Variants in MBD5 observed in about 807,000 individuals in gnomAD.
The protein encoded by MBD5 is methyl-CpG binding domain protein 5, also known as methyl-CpG-binding domain protein 5.
Under a neutral mutation model 117.3 loss-of-function variants are expected in MBD5, and 13 were observed. That is an observed-to-expected ratio of 0.11 (90% CI 0.07 to 0.18). The LOEUF (loss-of-function observed/expected upper bound fraction) is 0.18. MBD5 is among the 10% of genes least tolerant of loss of function. MBD5 has a pLI of 1.00. For missense variants in MBD5, 1,879 were observed against 2,093.8 expected (o/e 0.90, Z 2.00); for synonymous variants, 727 against 766.4 (o/e 0.95, Z 0.85).
At chr2:148,043,474 A>AATAAATAAATAC (rs1160200474) in intron 1 of MBD5, among the ~76,000 whole-genome samples, 144 of 151,318 alleles carry the variant, frequency 9.5e-4, no homozygotes, top group Middle Eastern at 3.4e-3. Flanking sequence ...TAAATAAATA[A>AATAAATAAATAC]ATAAATAAAT....
intron 1 of MBD5, among the ~76,000 whole-genome samples, chr2:148,137,051 C>A (rs1006521427): frequency 2.6e-5 from 4 of 152,014 alleles, no homozygotes; most frequent in Non-Finnish European, 5.9e-5. Flanking sequence ...CGTGAGTCAC[C>A]GTGCCCAGCC....
intron 1 of MBD5, among the ~76,000 whole-genome samples, chr2:148,147,341 C>G (rs1031316747): frequency 6.6e-6 from 1 of 151,896 alleles, no homozygotes; most frequent in Non-Finnish European, 1.5e-5. Flanking sequence ...CTCCTAGATT[C>G]AAGCGATTCT....
At chr2:148,145,046 C>T (rs955541676) in intron 1 of MBD5, among the ~76,000 whole-genome samples, 9 of 152,232 alleles carry the variant, frequency 5.9e-5, no homozygotes, top group Admixed American at 2.0e-4. Flanking sequence ...GGCAGTATGG[C>T]CATTTTCACA....
chr2:148,150,585 C>A (rs1574069239), intron 1 of MBD5, among the ~76,000 whole-genome samples: 1 of 151,946 alleles, frequency 6.6e-6, no homozygotes, highest in Non-Finnish European at 1.5e-5. Context: ...ATGGAATGTT[C>A]TTCCATTTGT....
chr2:148,083,361 C>T (rs1358202061), intron 1 of MBD5, among the ~76,000 whole-genome samples: 1 of 152,090 alleles, frequency 6.6e-6, no homozygotes, highest in Non-Finnish European at 1.5e-5. Flanking sequence ...GGATTGATTA[C>T]AGTTTAGCGT....
At chr2:148,143,427 A>G (rs1697365647) in intron 1 of MBD5, among the ~76,000 whole-genome samples, 1 of 152,198 alleles carries the variant, frequency 6.6e-6, no homozygotes, top group South Asian at 2.1e-4. Context: ...TATTAATATT[A>G]TTTTACTTCA....
At chr2:148,061,741 T>C (rs1366293700) in intron 1 of MBD5, among the ~76,000 whole-genome samples, 1 of 151,986 alleles carries the variant, frequency 6.6e-6, no homozygotes, top group African/African-American at 2.4e-5. Context: ...TGAAAACTTT[T>C]AAAGCTATTG....
chr2:148,512,716 G>C (rs1270366446), intron 13 of MBD5, among the ~76,000 whole-genome samples, 154 bp from the exon 14 acceptor site: 1 of 152,104 alleles, frequency 6.6e-6, no homozygotes, highest in East Asian at 1.9e-4. Flanking sequence ...TGACATCTGG[G>C]GTCTTGGTAA....
intron 1 of MBD5, among the ~76,000 whole-genome samples, chr2:148,138,988 T>G (rs1209615702): frequency 6.6e-6 from 1 of 152,228 alleles, no homozygotes; most frequent in African/African-American, 2.4e-5. Context: ...TTGTTTCTTT[T>G]TGAAAGCTAA....
intron 1 of MBD5, among the ~76,000 whole-genome samples, chr2:148,040,751 C>T (rs532895081): frequency 1.3e-5 from 2 of 152,146 alleles, no homozygotes; most frequent in Admixed American, 6.5e-5. Context: ...TTTGTTTTTG[C>T]GTGCGTTTTT....
At chr2:148,320,229 T>G (rs1050551216) in intron 3 of MBD5, among the ~76,000 whole-genome samples, 1 of 152,176 alleles carries the variant, frequency 6.6e-6, no homozygotes, top group African/African-American at 2.4e-5. Context: ...CTTGTCTGGT[T>G]TCAGTGCCAT....
rs1284378206 is a variant in MBD5 at position 148,119,831 on chromosome 2, C to T, written c.-924-58869C>T. 2.6e-5 allele frequency among the ~76,000 whole-genome samples: 4 copies of T among 151,934 alleles called. No homozygotes were observed. The East Asian group carries it at 7.7e-4, about 29-fold the overall frequency. On this transcript the variant is annotated intron_variant, in intron 1 of 13. Transcript: ENST00000642680. ...TGCAAAGGCAAGGATTTACTTCTGA[C>T]TCTCTGTTCCATTAATCTATATGTC... is the stretch of plus-strand genomic sequence containing the variant.
At chr2:148,143,103 T>C (rs2105553916) in intron 1 of MBD5, among the ~76,000 whole-genome samples, 1 of 152,282 alleles carries the variant, frequency 6.6e-6, no homozygotes, top group Admixed American at 6.5e-5. Context: ...GTTTAAAAAA[T>C]TGTTAAGTGA....
intron 4 of MBD5, among the ~76,000 whole-genome samples, chr2:148,366,262 G>A (rs1008835999): frequency 8.6e-5 from 13 of 151,954 alleles, no homozygotes; most frequent in East Asian, 1.9e-4. Flanking sequence ...AAAGGCCTTC[G>A]ATAAAATCCA....
intron 11 of MBD5, among the ~76,000 whole-genome samples, chr2:148,498,868 T>C (rs1681785623): frequency 6.6e-6 from 1 of 152,258 alleles, no homozygotes; most frequent in Non-Finnish European, 1.5e-5. Context: ...GAAAAACTCT[T>C]AATCATCTAC....
rs568648894 is a variant in MBD5, at chr2:148,424,285, G to GAAGGGCATTACATAATGATA, written c.-556-33912_-556-33893dup. ...ACCAACAAAGATCAAAAGAGACAAA[G>GAAGGGCATTACATAATGATA]AAGGGCATTACATAATGATAAAGGG... On this transcript the variant is annotated intron_variant, in intron 4 of 13. Transcript: ENST00000642680. Among the ~76,000 whole-genome samples the GAAGGGCATTACATAATGATA allele has an allele frequency of 2.3e-3, 317 of 136,992 alleles. 1 individual carries two copies. The highest frequency in any genetic ancestry group is 7.7e-3 in the African/African-American group (293 of 37,906). 89.9% of individuals were successfully genotyped at this position (136,992 alleles called of 152,430 possible).
At chr2:148,317,330 T>A (rs951436121) in intron 3 of MBD5, among the ~76,000 whole-genome samples, 1 of 151,808 alleles carries the variant, frequency 6.6e-6, no homozygotes, top group Non-Finnish European at 1.5e-5. Flanking sequence ...GAACACACCA[T>A]TGCACTCGAG....
chr2:148,367,415 G>A (rs928513563), intron 4 of MBD5, among the ~76,000 whole-genome samples: 13 of 152,112 alleles, frequency 8.5e-5, no homozygotes, highest in African/African-American at 3.1e-4. Context: ...ACATAGACAT[G>A]GGCAAAGCCT....
At chr2:148,507,106 G>A (rs1163703284) in intron 12 of MBD5, among the ~76,000 whole-genome samples, 2 of 152,144 alleles carry the variant, frequency 1.3e-5, no homozygotes, top group African/African-American at 4.8e-5. Context: ...TTGTGTTAAA[G>A]GTGAAACATT....
Sources: gnomAD v4.1 joint callset for allele counts (sites outside exome capture counted in the v4.1 genomes callset) on GRCh38, gnomAD v4.1.1 for gene constraint, MANE v1.5 for transcripts, NCBI Gene and HGNC (gene_info 2026-07-23, HGNC 2026-07-21) for gene names.